The following FLYWCH1 variants were observed in gnomAD, a reference collection of about 807,000 sequenced individuals.
FLYWCH1 encodes FLYWCH-type zinc finger 1, also known as FLYWCH-type zinc finger-containing protein 1.
A neutral mutation model predicts 66.4 loss-of-function variants in FLYWCH1; 75 were observed. That is an observed-to-expected ratio of 1.13 (90% CI 0.94 to 1.37). FLYWCH1 has a LOEUF of 1.37. Among genes scored for constraint, FLYWCH1 ranks in the 40% most tolerant of loss-of-function variants. The pLI is 0.00. For synonymous variants in FLYWCH1, 595 were observed against 429.9 expected, an observed-to-expected ratio of 1.38 and a Z score of -4.75; for missense variants, 1,334 against 1,001.8, an observed-to-expected ratio of 1.33 and a Z score of -4.48.
At chr16:2,931,286 G>C (rs2070752932) in intron 4 of FLYWCH1, among the ~76,000 whole-genome samples, 1 of 136,878 alleles carries the variant, frequency 7.3e-6, no homozygotes, top group South Asian at 2.3e-4. Flanking sequence ...CTGGTGACTG[G>C]AGCGAGACTC....
chr16:2,927,432 C>T (rs1278752713), intron 2 of FLYWCH1, among the ~76,000 whole-genome samples: 2 of 152,130 alleles, frequency 1.3e-5, no homozygotes, highest in African/African-American at 4.8e-5. Context: ...AGGAGTTAAA[C>T]AATATGGACC....
chr16:2,929,925 G>T lies in FLYWCH1; in HGVS notation c.240G>T (p.Leu80Phe). The T allele has an allele frequency of 6.2e-7, 1 of 1,613,748 alleles. No homozygotes were observed. Among genetic ancestry groups the T allele is most frequent in the South Asian group, 1.1e-5 (1 of 91,086 alleles). ...GCCCCGCCACCCTCGCCAGCACCTT[G>T]CAGATCCTGCCAGTTGAGGAGCAGG... ...MAGPATLAST[L>F]QILPVEEQGG... The change falls in exon 3 of 10, where the codon TTG (leucine) becomes TTT (phenylalanine). Residue 80 changes from leucine (L) to phenylalanine (F), a missense_variant. Leu to Phe is a conservative substitution (Grantham distance 22, BLOSUM62 0). Coordinates refer to ENST00000253928, the MANE Select transcript of FLYWCH1 (RefSeq NM_001308068.2).
intron 2 of FLYWCH1, chr16:2,915,514 G>A (rs1010760382): frequency 2.0e-5 from 3 of 152,150 alleles, no homozygotes; most frequent in African/African-American, 7.2e-5. Flanking sequence ...CTTTATATGA[G>A]TATAAAAGAA....
At chr16:2,948,645 A>G in intron 9 of FLYWCH1, 43 bp from the exon 10 acceptor site, 1 of 1,600,040 alleles carries the variant, frequency 6.2e-7, no homozygotes, top group Non-Finnish European at 8.6e-7. Flanking sequence ...TATTTCCACC[A>G]TGTTTTGATG....
At position 2,930,631 on chromosome 16, in the gene FLYWCH1, G is replaced by A; in HGVS notation, c.547G>A (p.Ala183Thr). 1 of 1,549,134 alleles carries A rather than the reference G, an allele frequency of 6.5e-7. No individual in the cohort carries two copies. The highest frequency in any genetic ancestry group is 1.9e-4 in the Middle Eastern group (1 of 5,160). ...CHAPDEQGLEARRQREKLPSL... is the reference protein window; with the variant it reads ...CHAPDEQGLETRRQREKLPSL... ...CGCGCCCGATGAGCAAGGCCTGGAG[G>A]CCCGGCGCCAGAGGGAGAAACTGCC... The change falls in exon 4 of 10, where the codon GCC (alanine) becomes ACC (threonine). Residue 183 changes from alanine to threonine, a missense_variant. Coordinates refer to ENST00000253928, the MANE Select transcript of FLYWCH1 (RefSeq NM_001308068.2).
chr16:2,927,665 G>T (rs118092524), intron 2 of FLYWCH1, among the ~76,000 whole-genome samples: 10 of 152,176 alleles, frequency 6.6e-5, no homozygotes, highest in African/African-American at 2.2e-4. Flanking sequence ...AGAATTCCCC[G>T]GCTGGCTCAG....
At chr16:2,933,047 T>C (rs2070826512) in intron 4 of FLYWCH1, 83 bp from the exon 5 acceptor site, 8 of 1,228,960 alleles carry the variant, frequency 6.5e-6, no homozygotes, top group Middle Eastern at 2.1e-4. Context: ...AAGGCTCGTG[T>C]CAGCCCCCAC....
At chr16:2,937,601 C>T (rs1043154633) in intron 7 of FLYWCH1, among the ~76,000 whole-genome samples, 15 of 152,128 alleles carry the variant, frequency 9.9e-5, no homozygotes, top group Admixed American at 3.9e-4. Flanking sequence ...AGGTAGAAAC[C>T]CACTCAGCTC....
At position 2,930,404 on chromosome 16, in the gene FLYWCH1, C is replaced by G. The variant is rs2070718600; in HGVS notation, c.326-6C>G. On this transcript the variant is annotated splice_polypyrimidine_tract_variant and splice_region_variant and intron_variant, in intron 3 of 9. Coordinates refer to ENST00000253928, the MANE Select transcript of FLYWCH1 (RefSeq NM_001308068.2). Reference sequence around the variant, plus strand: ...CTTAGCTAACCTAGCCTTCCCGTTCCCCCAGCAGCCCCTCAGTCCCTGGAG... The same window carrying G: ...CTTAGCTAACCTAGCCTTCCCGTTCGCCCAGCAGCCCCTCAGTCCCTGGAG... 1 of 1,442,430 alleles carries G rather than the reference C, an allele frequency of 6.9e-7. No individual in the cohort carries two copies. Among genetic ancestry groups the G allele is most frequent in the Non-Finnish European group, 9.1e-7 (1 of 1,094,254 alleles). The allele number at this position is 1,442,430 out of a possible 1,614,324, so 89.4% of individuals were successfully genotyped here. A position where few individuals can be genotyped will look rare whatever the true frequency, so the allele number is the denominator to read the frequency against.
At chr16:2,936,871 T>C in intron 6 of FLYWCH1, 1 of 640,852 alleles carries the variant, frequency 1.6e-6, no homozygotes, top group South Asian at 1.6e-5. Context: ...CCTGAAGGCA[T>C]GGCAAGGTGG....
intron 9 of FLYWCH1, among the ~76,000 whole-genome samples, chr16:2,946,505 T>C (rs1338354444): frequency 6.6e-6 from 1 of 151,758 alleles, no homozygotes; most frequent in Non-Finnish European, 1.5e-5. Context: ...GTATTTTTAG[T>C]AGAGATGGGG....
In FLYWCH1 at chr16:2,929,641, G is replaced by C; in HGVS notation, c.-45G>C. The C allele has an allele frequency of 6.4e-7, 1 of 1,571,258 alleles. No individual in the cohort carries two copies. The highest frequency in any genetic ancestry group is 8.6e-7 in the Non-Finnish European group (1 of 1,158,484). On this transcript the variant is annotated 5_prime_UTR_variant, in exon 3 of 10. Transcript: ENST00000253928. ...GGAACCACTGCACTCCAGGTTCCTT[G>C]CTGGGTGCTGAGCGTGGCCTGAGGG...
intron 2 of FLYWCH1, among the ~76,000 whole-genome samples, chr16:2,919,087 C>G (rs2070276429): frequency 6.6e-6 from 1 of 151,786 alleles, no homozygotes; most frequent in South Asian, 2.1e-4. Context: ...AGGTGCTCAC[C>G]ACCACTCCTG....
intron 9 of FLYWCH1, among the ~76,000 whole-genome samples, chr16:2,947,764 A>C (rs1177810287): frequency 2.5e-4 from 5 of 20,278 alleles, no homozygotes; most frequent in Non-Finnish European, 3.3e-4. Context: ...CTCTTATCTC[A>C]AAAAAAAAAA....
At chr16:2,922,574 C>G (rs150609889) in intron 2 of FLYWCH1, 1 of 321,904 alleles carries the variant, frequency 3.1e-6, no homozygotes, top group Non-Finnish European at 6.0e-6. Flanking sequence ...TGTTTGTCCC[C>G]TTGTGCCTGG....
chr16:2,923,987 A>G (rs911589100), intron 2 of FLYWCH1, among the ~76,000 whole-genome samples: 2 of 152,146 alleles, frequency 1.3e-5, no homozygotes, highest in African/African-American at 4.8e-5. Context: ...CATTGAGCTG[A>G]GATCGTGCCA....
rs979513075 is a variant in FLYWCH1 at position 2,933,110 on chromosome 16, C to T, written c.797-20C>T. On this transcript the variant is annotated intron_variant, in intron 4 of 9. Transcript: ENST00000253928. ...TCCTCTCCACCCCTGGTGATGTGAC[C>T]ACTTGGGTCTCTCCTCTAGGACAGG... The T allele has an allele frequency of 1.2e-6, 2 of 1,603,504 alleles. No individual in the cohort carries two copies. The highest frequency in any genetic ancestry group is 1.7e-6 in the Non-Finnish European group (2 of 1,174,036).
At chr16:2,913,954 C>G (rs2070078990) in intron 1 of FLYWCH1, among the ~76,000 whole-genome samples, 1 of 152,180 alleles carries the variant, frequency 6.6e-6, no homozygotes, top group African/African-American at 2.4e-5. Flanking sequence ...AAACAATTCT[C>G]TCACCTGAGC....
intron 2 of FLYWCH1, among the ~76,000 whole-genome samples, chr16:2,926,582 C>T (rs2070574649): frequency 6.6e-6 from 1 of 152,182 alleles, no homozygotes; most frequent in African/African-American, 2.4e-5. Context: ...GACCCAGGAA[C>T]CACCTGCCCG....
Sources: allele counts gnomAD v4.1 joint callset (sites outside exome capture counted in the v4.1 genomes callset), GRCh38; gene constraint gnomAD v4.1.1; transcripts MANE v1.5; gene names NCBI Gene and HGNC (gene_info 2026-07-23, HGNC 2026-07-21).